Variants in ARHGEF11 observed in about 807,000 individuals in gnomAD.
The protein encoded by ARHGEF11 is Rho guanine exchange factor (GEF) 11.
Under a neutral mutation model 193.7 loss-of-function variants are expected in ARHGEF11, and 55 were observed. The ratio of observed to expected loss-of-function variants is 0.28; its 90% CI spans 0.23 to 0.36. The LOEUF is 0.36. Among genes scored for constraint, ARHGEF11 ranks in the 10% least tolerant of loss-of-function variants. The probability of loss-of-function intolerance (pLI) is 1.00; values close to 1 mark genes in which losing one functional copy is unlikely to be tolerated. For synonymous variants in ARHGEF11, 693 were observed against 768.0 expected, an observed-to-expected ratio of 0.90 and a Z score of 1.62; for missense variants, 1,723 against 2,005.6, an observed-to-expected ratio of 0.86 and a Z score of 2.69.
rs1673150405 is a variant in ARHGEF11 at position 157,044,646 on chromosome 1, C to T, written c.-316G>A. 3 of 486,716 alleles carry T rather than the reference C, an allele frequency of 6.2e-6. No individual in the cohort carries two copies. The highest frequency in any genetic ancestry group is 7.2e-5 in the Admixed American group (2 of 27,938). 30.1% of individuals were successfully genotyped at this position (486,716 alleles called of 1,614,324 possible). ...CCAAAAACCCAGCCACGAATCTCTT[C>T]AAGGTTAGCACTATGGCCAAAAAAA... On this transcript the variant is annotated 5_prime_UTR_variant, in exon 1 of 41. Transcript: ENST00000368194.
rs1030790450 is a variant in ARHGEF11 at position 156,934,954 on chromosome 1, ATTATATATATAT to A, written c.*1034_*1045del. 1.3e-5 allele frequency: 2 copies of A among 148,184 alleles called. No homozygotes were observed. The highest frequency in any genetic ancestry group is 3.0e-5 in the Non-Finnish European group (2 of 67,286). The allele number at this position is 148,184 out of a possible 1,614,324, so 9.2% of individuals were successfully genotyped here. On this transcript the variant is annotated 3_prime_UTR_variant, in exon 41 of 41. Coordinates refer to ENST00000368194, the MANE Select transcript of ARHGEF11 (RefSeq NM_198236.3). ...TCATTTCCATATCTATATTTTATAT[ATTATATATATAT>A]TTATATATATATATATGTATATATA...
intron 1 of ARHGEF11, among the ~76,000 whole-genome samples, chr1:156,998,718 T>C (rs563184868): frequency 2.0e-5 from 3 of 152,224 alleles, no homozygotes; most frequent in Non-Finnish European, 2.9e-5. Context: ...TCTTGAGTTA[T>C]CTAATATAGA....
intron 33 of ARHGEF11, 120 bp from the exon 34 acceptor site, chr1:156,942,109 G>A (rs963818884): frequency 9.6e-6 from 14 of 1,460,910 alleles, no homozygotes; most frequent in Non-Finnish European, 1.3e-5. Context: ...CCTGGCAGGT[G>A]CCCACCTCCC....
At chr1:156,936,323 C>T in intron 40 of ARHGEF11, 8 of 629,918 alleles carry the variant, frequency 1.3e-5, no homozygotes, top group Non-Finnish European at 2.1e-5. Flanking sequence ...CAGTGTGGTT[C>T]TGAATCATTT....
At chr1:156,998,841 A>G (rs1666871986) in intron 1 of ARHGEF11, among the ~76,000 whole-genome samples, 1 of 152,240 alleles carries the variant, frequency 6.6e-6, no homozygotes, top group South Asian at 2.1e-4. Context: ...ACTTATGTTC[A>G]ATGAAAAGAA....
In ARHGEF11 at chr1:156,946,743, C is replaced by T. The variant is rs1658200322; in HGVS notation, c.2613G>A (p.Gln871=). Residue 871 remains glutamine, a synonymous_variant, in exon 28 of 41, where the codon CAG becomes CAA. Transcript: ENST00000368194. ...AREELQQVAA[Q]FCSYQSIALE... The stretch of plus-strand genomic sequence containing the variant: ...GGGCTATTGACTGATAGGAACAGAA[C>T]TGTGCAGCCACTTGCTGGAGTTCCT... 6.2e-7 allele frequency: 1 copy of T among 1,614,234 alleles called. No homozygotes were observed. Among genetic ancestry groups the T allele is most frequent in the South Asian group, 1.1e-5 (1 of 91,078 alleles).
At chr1:157,000,622 C>T (rs990346404) in intron 1 of ARHGEF11, among the ~76,000 whole-genome samples, 95 of 152,266 alleles carry the variant, frequency 6.2e-4, no homozygotes, top group African/African-American at 2.1e-3. Flanking sequence ...ATACCAACAT[C>T]GATAGGAAAG....
chr1:157,040,203 C>G (rs569464327), intron 1 of ARHGEF11, among the ~76,000 whole-genome samples: 113 of 152,236 alleles, frequency 7.4e-4, no homozygotes, highest in African/African-American at 1.1e-3. Flanking sequence ...TAGATGGGAA[C>G]AAGGGTACAT....
intron 13 of ARHGEF11, 42 bp from the exon 14 acceptor site, chr1:156,961,817 C>G: frequency 6.3e-7 from 1 of 1,586,720 alleles, no homozygotes; most frequent in Non-Finnish European, 8.7e-7. Flanking sequence ...GGTTCTCCCC[C>G]AGCAGTGATT....
Position 156,935,254 on chromosome 1 carries a change from C to CAGGG in ARHGEF11, c.*742_*745dup, listed in dbSNP as rs1654852483. ...CCCCATCTTGTGAAGATGAGAAGTCCAGGGAGGGAGGGAGTAGCTTGGCAG... is the reference window on the plus strand; with the variant it reads ...CCCCATCTTGTGAAGATGAGAAGTCCAGGGAGGGAGGGAGGGAGTAGCTTGGCAG... On this transcript the variant is annotated 3_prime_UTR_variant, in exon 41 of 41. Transcript: ENST00000368194. 1 of 152,150 alleles carries CAGGG rather than the reference C, an allele frequency of 6.6e-6. No individual in the cohort carries two copies. Among genetic ancestry groups the CAGGG allele is most frequent in the African/African-American group, 2.4e-5 (1 of 41,398 alleles). The allele number at this position is 152,150 out of a possible 1,614,324, so 9.4% of individuals were successfully genotyped here. A position where few individuals can be genotyped will look rare whatever the true frequency, so the allele number is the denominator to read the frequency against.
At chr1:157,014,247 T>G (rs1763908) in intron 1 of ARHGEF11, among the ~76,000 whole-genome samples, 107,829 of 151,954 alleles carry the variant, frequency 0.71, 38,809 homozygotes, top group Middle Eastern at 0.87. Flanking sequence ...CTGTTCTTCT[T>G]CAATTTCCTA....
At chr1:157,033,080 A>T (rs1236113545) in intron 1 of ARHGEF11, among the ~76,000 whole-genome samples, 1 of 151,942 alleles carries the variant, frequency 6.6e-6, no homozygotes, top group African/African-American at 2.4e-5. Context: ...GGTGTTGATG[A>T]CCTGCTAATG....
At chr1:156,988,854 G>A (rs988946012) in intron 1 of ARHGEF11, among the ~76,000 whole-genome samples, 3 of 152,102 alleles carry the variant, frequency 2.0e-5, no homozygotes, top group African/African-American at 7.2e-5. Flanking sequence ...TTGAACTGAA[G>A]GAGGAAGAAA....
chr1:156,980,402 T>C (rs1396197842), intron 4 of ARHGEF11, 35 bp downstream of exon 4: 3 of 1,593,532 alleles, frequency 1.9e-6, no homozygotes, highest in African/African-American at 1.3e-5. Context: ...CTATTTCCAC[T>C]GCTGGGAGTG....
At chr1:156,979,328 G>T in intron 4 of ARHGEF11, 42 bp from the exon 5 acceptor site, 1 of 1,472,036 alleles carries the variant, frequency 6.8e-7, no homozygotes, top group Non-Finnish European at 9.5e-7. Context: ...GTAATGAACA[G>T]CTAGGGGATC....
intron 10 of ARHGEF11, 143 bp from the exon 11 acceptor site, chr1:156,968,267 T>C: frequency 2.3e-6 from 2 of 878,364 alleles, no homozygotes; most frequent in Non-Finnish European, 3.4e-6. Context: ...GGTATTATAC[T>C]AAGCCCTTCA....
At position 156,945,134 on chromosome 1, in the gene ARHGEF11, T is replaced by A; in HGVS notation, c.2876A>T (p.Tyr959Phe). The A allele has an allele frequency of 6.2e-7, 1 of 1,614,212 alleles. No homozygotes were observed. The highest frequency in any genetic ancestry group is 1.1e-5 in the South Asian group (1 of 91,090). The change falls in exon 30 of 41, where the codon TAT (tyrosine) becomes TTT (phenylalanine). Residue 959 changes from tyrosine (Y) to phenylalanine (F), a missense_variant. Coordinates refer to ENST00000368194, the MANE Select transcript of ARHGEF11 (RefSeq NM_198236.3). ...TGTTTGTTTTACCGCTTCATTCACA[T>A]ACTTGAGAATCTCCCGGCACTGGTC... is the stretch of plus-strand genomic sequence containing the variant. ...ARDQCREILK[Y>F]VNEAVKQTEN...
chr1:157,016,915 G>A (rs1669313829), intron 1 of ARHGEF11, among the ~76,000 whole-genome samples: 1 of 151,984 alleles, frequency 6.6e-6, no homozygotes, highest in East Asian at 1.9e-4. Flanking sequence ...GGGCTCAAGC[G>A]ATCCTCCCAC....
intron 3 of ARHGEF11, among the ~76,000 whole-genome samples, chr1:156,982,525 A>C (rs1481369969): frequency 6.6e-6 from 1 of 152,116 alleles, no homozygotes; most frequent in Non-Finnish European, 1.5e-5. Flanking sequence ...CTCCTCCCCA[A>C]CACACACATG....
Sources: gnomAD v4.1 joint callset for allele counts (sites outside exome capture counted in the v4.1 genomes callset) on GRCh38, gnomAD v4.1.1 for gene constraint, MANE v1.5 for transcripts, NCBI Gene and HGNC (gene_info 2026-07-23, HGNC 2026-07-21) for gene names.